EBF1: variants seen among roughly 807,000 people sequenced by gnomAD.
The protein encoded by EBF1 is transcription factor COE1.
EBF1 carries 10 observed loss-of-function variants against 68.4 expected under a neutral mutation model. The ratio of observed to expected loss-of-function variants is 0.15; its 90% CI spans 0.09 to 0.25. The LOEUF is 0.25. Ranked by LOEUF, EBF1 falls within the 10% of genes least tolerant of loss-of-function variation. The pLI is 1.00. For synonymous variants in EBF1, 298 were observed against 299.8 expected (o/e 0.99, Z 0.06); for missense variants, 509 against 794.4 (o/e 0.64, Z 4.32).
chr5:158,969,896 G>GAAAGAAAGAAAGA (rs1755139701), intron 6 of EBF1, among the ~76,000 whole-genome samples: 6 of 100,038 alleles, frequency 6.0e-5, no homozygotes, highest in East Asian at 6.0e-4. Context: ...AAGAAAGAAA[G>GAAAGAAAGAAAGA]AAAGAAAGAA....
At chr5:158,873,456 T>C (rs1228261358) in intron 6 of EBF1, among the ~76,000 whole-genome samples, 1 of 152,200 alleles carries the variant, frequency 6.6e-6, no homozygotes, top group African/African-American at 2.4e-5. Flanking sequence ...TTGCCATTTT[T>C]ACCTATAATA....
At chr5:158,729,677 C>T (rs943343337) in intron 11 of EBF1, among the ~76,000 whole-genome samples, 1 of 151,960 alleles carries the variant, frequency 6.6e-6, no homozygotes. Context: ...TAATTGCTTA[C>T]CAAGAATAAA....
intron 10 of EBF1, among the ~76,000 whole-genome samples, chr5:158,742,569 C>G (rs1766647153): frequency 6.6e-6 from 1 of 152,144 alleles, no homozygotes; most frequent in Admixed American, 6.5e-5. Context: ...TACATATTCC[C>G]CACTCTCAAG....
chr5:158,924,844 C>A (rs1356742101), intron 6 of EBF1, among the ~76,000 whole-genome samples: 1 of 115,966 alleles, frequency 8.6e-6, no homozygotes, highest in African/African-American at 3.7e-5. Context: ...CAGAGCGAGA[C>A]TCTGTCTCAA....
At chr5:158,962,263 C>T (rs1180366183) in intron 6 of EBF1, among the ~76,000 whole-genome samples, 1 of 152,102 alleles carries the variant, frequency 6.6e-6, no homozygotes, top group Non-Finnish European at 1.5e-5. Context: ...TTCCTGTAGG[C>T]CCCAAACAAA....
In EBF1 at chr5:158,941,810, C is replaced by A. The variant is rs564350724; in HGVS notation, c.555-101700G>T. ...TGAGTCCAAGGAGTAGTAATAACTGCAACAACCTCTACTACTGTATCCAGA... is the reference window on the plus strand; with the variant it reads ...TGAGTCCAAGGAGTAGTAATAACTGAAACAACCTCTACTACTGTATCCAGA... On this transcript the variant is annotated intron_variant, in intron 6 of 15. Coordinates refer to ENST00000313708, the MANE Select transcript of EBF1 (RefSeq NM_024007.5). Among the ~76,000 whole-genome samples the A allele has an allele frequency of 3.3e-5, 5 of 152,312 alleles. No individual in the cohort carries two copies. The South Asian group carries it at 8.3e-4, about 25-fold the overall frequency.
At chr5:158,708,253 C>G in intron 14 of EBF1, 80 bp from the exon 15 acceptor site, 1 of 1,417,132 alleles carries the variant, frequency 7.1e-7, no homozygotes, top group Non-Finnish European at 9.6e-7. Context: ...CATCCCTCAC[C>G]CAGCCACCTT....
chr5:158,819,488 A>G (rs576641222), intron 8 of EBF1, among the ~76,000 whole-genome samples: 31 of 152,358 alleles, frequency 2.0e-4, no homozygotes, highest in African/African-American at 7.0e-4. Context: ...TTGGCCTTGA[A>G]TTCAAGTAAA....
At chr5:158,931,335 G>A (rs932449471) in intron 6 of EBF1, among the ~76,000 whole-genome samples, 9 of 152,154 alleles carry the variant, frequency 5.9e-5, no homozygotes, top group African/African-American at 9.7e-5. Context: ...GCAGGTGTTC[G>A]GGGGATTTTG....
At chr5:159,019,917 G>A (rs954972096) in intron 6 of EBF1, among the ~76,000 whole-genome samples, 2 of 152,060 alleles carry the variant, frequency 1.3e-5, no homozygotes, top group African/African-American at 4.8e-5. Flanking sequence ...TCCTGAGAAA[G>A]TCAGATCCAA....
chr5:158,703,432 TG>T, intron 15 of EBF1, among the ~76,000 whole-genome samples: 1 of 152,314 alleles, frequency 6.6e-6, no homozygotes, highest in Non-Finnish European at 1.5e-5. Context: ...CCAAACTAAA[TG>T]AAATAGTCAT....
intron 6 of EBF1, among the ~76,000 whole-genome samples, chr5:159,045,325 C>T (rs972091233): frequency 1.3e-5 from 2 of 151,864 alleles, no homozygotes; most frequent in Non-Finnish European, 2.9e-5. Flanking sequence ...TGTGCCAAAA[C>T]GCAGAAGAGA....
intron 6 of EBF1, among the ~76,000 whole-genome samples, chr5:158,930,809 A>G (rs903125652): frequency 6.6e-6 from 1 of 152,190 alleles, no homozygotes; most frequent in Non-Finnish European, 1.5e-5. Context: ...CAAAGCAAGT[A>G]TAAGCCCTGT....
At chr5:158,750,590 A>T (rs981746718) in intron 10 of EBF1, among the ~76,000 whole-genome samples, 1 of 152,126 alleles carries the variant, frequency 6.6e-6, no homozygotes, top group African/African-American at 2.4e-5. Flanking sequence ...CAAGAGCTTT[A>T]ATATTCTCAC....
At chr5:159,006,647 T>TAAAA (rs36045942) in intron 6 of EBF1, among the ~76,000 whole-genome samples, 5,423 of 55,952 alleles carry the variant, frequency 0.097, 1,402 homozygotes, top group African/African-American at 0.11. Context: ...ATAGCCATGT[T>TAAAA]AAAAAAAAAA....
chr5:158,866,827 GTATATGTATATATATATATATATATA>G (rs1463336374), intron 6 of EBF1, among the ~76,000 whole-genome samples: 1 of 58,344 alleles, frequency 1.7e-5, no homozygotes, highest in African/African-American at 7.1e-5. Flanking sequence ...GTATATATAT[GTATATGTATATATATATATATATATA>G]TATATATATA....
At chr5:158,741,619 G>A (rs1234702964) in intron 10 of EBF1, among the ~76,000 whole-genome samples, 2 of 148,414 alleles carry the variant, frequency 1.3e-5, no homozygotes, top group Non-Finnish European at 3.0e-5. Context: ...ATTGAGTTTT[G>A]AACTACCTTA....
At chr5:158,819,642 T>C (rs7720275) in intron 8 of EBF1, among the ~76,000 whole-genome samples, 26,450 of 152,176 alleles carry the variant, frequency 0.17, 2,549 homozygotes, top group African/African-American at 0.23. Flanking sequence ...GAACATAGCC[T>C]TGTGGCAGCC....
chr5:158,807,699 A>T (rs1781842694), intron 8 of EBF1, among the ~76,000 whole-genome samples: 1 of 152,152 alleles, frequency 6.6e-6, no homozygotes, highest in South Asian at 2.1e-4. Flanking sequence ...AATCATGGCC[A>T]ATTCTGCTCC....
Sources: allele counts gnomAD v4.1 joint callset (sites outside exome capture counted in the v4.1 genomes callset), GRCh38; gene constraint gnomAD v4.1.1; transcripts MANE v1.5; gene names NCBI Gene and HGNC (gene_info 2026-07-23, HGNC 2026-07-21).